C6: variants seen among roughly 807,000 people sequenced by gnomAD.
C6 encodes the protein complement component C6.
A neutral mutation model predicts 112.9 loss-of-function variants in C6; 101 were observed. The observed-to-expected ratio is 0.89, with a 90% CI of 0.76 to 1.06. The LOEUF is 1.06. Among genes scored for constraint, C6 ranks in the 50% least tolerant of loss-of-function variants. C6 has a pLI of 0.00. For missense variants in C6, 1,202 were observed against 1,104.6 expected (o/e 1.09, Z -1.25); for synonymous variants, 431 against 384.1 (o/e 1.12, Z -1.43).
rs116274677 is a variant in C6 at position 41,165,652 on chromosome 5, A to G, written c.1292-3793T>C. Among the ~76,000 whole-genome samples the G allele has an allele frequency of 6.8e-3, 1,033 of 152,280 alleles. 8 individuals carry two copies. Among genetic ancestry groups the G allele is most frequent in the Middle Eastern group, 0.024 (7 of 294 alleles). ...GTCTTTACTACATGTCACTTGTGCA[A>G]CTACAAAATAATTATAGCAGACATG... is the stretch of plus-strand genomic sequence containing the variant. On this transcript the variant is annotated intron_variant, in intron 9 of 17. Coordinates refer to ENST00000337836, the MANE Select transcript of C6 (RefSeq NM_000065.5).
chr5:41,150,814 G>A (rs990589622), intron 15 of C6, among the ~76,000 whole-genome samples: 2 of 152,010 alleles, frequency 1.3e-5, no homozygotes, highest in Non-Finnish European at 2.9e-5. Flanking sequence ...TTGAACCCGG[G>A]AGGCAGAGGT....
chr5:41,235,500 A>G (rs1431010308), intron 1 of C6, among the ~76,000 whole-genome samples: 2 of 142,920 alleles, frequency 1.4e-5, no homozygotes, highest in East Asian at 4.3e-4. Flanking sequence ...GGTTGGTTCC[A>G]AGTCTTTGCT....
chr5:41,205,799 A>G (rs1751391466), intron 1 of C6, among the ~76,000 whole-genome samples: 1 of 152,220 alleles, frequency 6.6e-6, no homozygotes, highest in South Asian at 2.1e-4. Flanking sequence ...GGGGGCAGGC[A>G]TAGCTGAACA....
At chr5:41,146,845 A>G (rs1479644360) in intron 17 of C6, among the ~76,000 whole-genome samples, 1 of 152,090 alleles carries the variant, frequency 6.6e-6, no homozygotes. Context: ...TTTCGATAAA[A>G]TTGTAAACTG....
chr5:41,242,089 A>C (rs1740746662), intron 1 of C6, among the ~76,000 whole-genome samples: 1 of 151,544 alleles, frequency 6.6e-6, no homozygotes, highest in African/African-American at 2.4e-5. Flanking sequence ...AGCAGAAAGG[A>C]AAAAAAAACT....
At chr5:41,197,075 T>A (rs1750675991) in intron 4 of C6, among the ~76,000 whole-genome samples, 1 of 152,268 alleles carries the variant, frequency 6.6e-6, no homozygotes, top group Admixed American at 6.5e-5. Context: ...TATGCATGAC[T>A]GTTTTGACTA....
intron 15 of C6, 123 bp from the exon 16 acceptor site, chr5:41,150,148 A>T: frequency 1.4e-6 from 1 of 720,296 alleles, no homozygotes; most frequent in East Asian, 2.7e-5. Flanking sequence ...TAGATCATTC[A>T]TTTTGGCTTC....
At chr5:41,229,160 T>G (rs1265426177) in intron 1 of C6, among the ~76,000 whole-genome samples, 1 of 152,064 alleles carries the variant, frequency 6.6e-6, no homozygotes, top group Non-Finnish European at 1.5e-5. Context: ...CATGTTAATT[T>G]TTTTTCTATT....
chr5:41,232,661 A>T (rs1739980496), intron 1 of C6, among the ~76,000 whole-genome samples: 2 of 152,100 alleles, frequency 1.3e-5, no homozygotes, highest in South Asian at 2.1e-4. Flanking sequence ...AAAGTAAAAA[A>T]AATTTTAAGT....
intron 5 of C6, among the ~76,000 whole-genome samples, chr5:41,189,703 C>T (rs562680322): frequency 2.0e-5 from 3 of 152,156 alleles, no homozygotes; most frequent in Non-Finnish European, 4.4e-5. Flanking sequence ...CTATAGAACA[C>T]TAGAACTTAT....
At chr5:41,258,090 G>A (rs2150446221) in intron 1 of C6, among the ~76,000 whole-genome samples, 1 of 151,868 alleles carries the variant, frequency 6.6e-6, no homozygotes, top group East Asian at 1.9e-4. Context: ...GTCTTCACAA[G>A]CAAAAATTAA....
At chr5:41,195,637 A>T (rs185159160) in intron 5 of C6, among the ~76,000 whole-genome samples, 155 bp downstream of exon 5, 1 of 152,318 alleles carries the variant, frequency 6.6e-6, no homozygotes, top group Non-Finnish European at 1.5e-5. Flanking sequence ...ATGGCCACAT[A>T]CCTCCTGAAC....
At chr5:41,260,986 A>G (rs866158428) in intron 1 of C6, among the ~76,000 whole-genome samples, 2 of 152,206 alleles carry the variant, frequency 1.3e-5, no homozygotes, top group Non-Finnish European at 2.9e-5. Context: ...TGAAATCTCC[A>G]TTGACTTCAC....
At chr5:41,193,716 A>C (rs1361443887) in intron 5 of C6, among the ~76,000 whole-genome samples, 1 of 151,788 alleles carries the variant, frequency 6.6e-6, no homozygotes, top group Non-Finnish European at 1.5e-5. Context: ...TGATGTTGGC[A>C]ATGTAGAAAT....
At chr5:41,205,487 C>A (rs1751363591) in intron 1 of C6, among the ~76,000 whole-genome samples, 1 of 152,206 alleles carries the variant, frequency 6.6e-6, no homozygotes, top group Non-Finnish European at 1.5e-5. Flanking sequence ...GAAGCCATTA[C>A]AGACAGTACC....
intron 4 of C6, 118 bp downstream of exon 4, chr5:41,199,650 C>T (rs147869807): frequency 2.0e-6 from 2 of 1,025,390 alleles, no homozygotes; most frequent in Non-Finnish European, 3.1e-6. Context: ...CCATTCCACT[C>T]TGCTTAAAAT....
intron 1 of C6, among the ~76,000 whole-genome samples, chr5:41,228,245 G>T (rs1444917807): frequency 6.6e-6 from 1 of 151,540 alleles, no homozygotes; most frequent in African/African-American, 2.4e-5. Flanking sequence ...TTATTTTCTT[G>T]ATTTCTTTTT....
chr5:41,253,512 T>A (rs1348401861), intron 1 of C6, among the ~76,000 whole-genome samples: 2 of 152,228 alleles, frequency 1.3e-5, no homozygotes, highest in African/African-American at 4.8e-5. Flanking sequence ...GGGATTTTCC[T>A]CCTTTTCTTG....
At chr5:41,147,371 A>G (rs926312204) in intron 17 of C6, among the ~76,000 whole-genome samples, 1 of 152,182 alleles carries the variant, frequency 6.6e-6, no homozygotes, top group Non-Finnish European at 1.5e-5. Context: ...TAGACATGGC[A>G]TGAAGGTTGA....
Sources: gnomAD v4.1 joint callset for allele counts (sites outside exome capture counted in the v4.1 genomes callset) on GRCh38, gnomAD v4.1.1 for gene constraint, MANE v1.5 for transcripts, NCBI Gene and HGNC (gene_info 2026-07-23, HGNC 2026-07-21) for gene names.